Variants in MEGF8 observed in about 807,000 individuals in gnomAD.
MEGF8 encodes multiple EGF like domains 8.
Under a neutral mutation model 302.9 loss-of-function variants are expected in MEGF8, and 156 were observed. That is an observed-to-expected ratio of 0.52 (90% confidence interval 0.45 to 0.59). The LOEUF is 0.59. Ranked by LOEUF, MEGF8 falls within the 20% of genes least tolerant of loss-of-function variation. MEGF8 has a pLI of 0.00. For missense variants in MEGF8, 3,345 were observed against 3,964.5 expected (o/e 0.84, Z 4.20); for synonymous variants, 1,621 against 1,660.5 (o/e 0.98, Z 0.58).
chr19:42,368,359 A>G lies in MEGF8; in HGVS notation c.6274-96A>G. 1 of 1,093,008 alleles carries G rather than the reference A, an allele frequency of 9.1e-7. No homozygotes were observed. Among genetic ancestry groups the G allele is most frequent in the Non-Finnish European group, 1.3e-6 (1 of 772,302 alleles). The allele number at this position is 1,093,008 out of a possible 1,614,324, so 67.7% of individuals were successfully genotyped here. ...GCCAGGGAGGGGTGAGACCTCAAAGAGGGTGTGGTCTGGGAAGATACCCAG... is the reference window on the plus strand; with the variant it reads ...GCCAGGGAGGGGTGAGACCTCAAAGGGGGTGTGGTCTGGGAAGATACCCAG... On this transcript the variant is annotated intron_variant, in intron 35 of 41. Transcript: ENST00000251268. This position sits in a 1 kb window ranked among gnomAD's most constrained non-coding sequence, Gnocchi z 4.9.
intron 2 of MEGF8, 36 bp from the exon 3 acceptor site, chr19:42,333,971 C>T (rs752785552): frequency 6.3e-6 from 10 of 1,594,140 alleles, no homozygotes; most frequent in African/African-American, 4.0e-5. Context: ...ATCCCCAGGC[C>T]CTGCCCACCT....
chr19:42,360,647 G>C, intron 31 of MEGF8, 128 bp from the exon 32 acceptor site: 1 of 1,480,716 alleles, frequency 6.8e-7, no homozygotes, highest in Non-Finnish European at 8.9e-7. Context: ...CCTTGGCCTT[G>C]TTTCTGCTGT....
intron 12 of MEGF8, among the ~76,000 whole-genome samples, chr19:42,347,014 AAAAG>A (rs2039300237): frequency 1.3e-5 from 2 of 151,078 alleles, no homozygotes; most frequent in Admixed American, 6.6e-5. Flanking sequence ...AAGAAAAAGA[AAAAG>A]AAAAAAAAGT....
At chr19:42,361,099 T>G in intron 32 of MEGF8, 93 bp downstream of exon 32, 3 of 1,320,046 alleles carry the variant, frequency 2.3e-6, no homozygotes, top group Non-Finnish European at 3.0e-6. Flanking sequence ...CTCAGGAGTA[T>G]ACCGTCTGGT....
chr19:42,328,847 C>A (rs1453827682), intron 1 of MEGF8, among the ~76,000 whole-genome samples: 1 of 151,690 alleles, frequency 6.6e-6, no homozygotes, highest in African/African-American at 2.4e-5. Flanking sequence ...CGAGACTCTA[C>A]CTCAAAAAAA....
rs1026737444 is a variant in MEGF8 at position 42,335,287 on chromosome 19, C to T, written c.740-10C>T. 3 of 1,613,870 alleles carry T rather than the reference C, an allele frequency of 1.9e-6. No homozygotes were observed. The highest frequency in any genetic ancestry group is 1.6e-4 in the Middle Eastern group (1 of 6,084). On this transcript the variant is annotated splice_polypyrimidine_tract_variant and intron_variant, in intron 4 of 41. Transcript: ENST00000251268. ...ATGGCCAGGGCATGAGACTATCCAC[C>T]CCTCCACAGGCCAGGACCTCAACAA...
Position 42,344,003 on chromosome 19 carries a change from G to A in MEGF8, c.1718G>A (p.Arg573Gln), listed in dbSNP as rs760954782. Residue 573 changes from arginine to glutamine, a missense_variant, in exon 10 of 42, where the codon CGG becomes CAG. Coordinates refer to ENST00000251268, the MANE Select transcript of MEGF8 (RefSeq NM_001271938.2). The surrounding 1 kb of genome is among the most constrained non-coding windows in gnomAD (Gnocchi z 4.5). Reference sequence around the variant, plus strand: ...TACACAGACCACAGCGTCTGCTCCCGGGACCCGGAATGCAGTTGGTGCCAA... The same window carrying A: ...TACACAGACCACAGCGTCTGCTCCCAGGACCCGGAATGCAGTTGGTGCCAA... ...SMYTDHSVCS[R>Q]DPECSWCQGA... 8.1e-6 allele frequency: 13 copies of A among 1,613,718 alleles called. No homozygotes were observed. Among genetic ancestry groups the A allele is most frequent in the Non-Finnish European group, 1.1e-5 (13 of 1,179,762 alleles).
chr19:42,336,689 G>C lies in MEGF8; in HGVS notation c.1245-118G>C. On this transcript the variant is annotated intron_variant, in intron 6 of 41. Coordinates refer to ENST00000251268, the MANE Select transcript of MEGF8 (RefSeq NM_001271938.2). The surrounding 1 kb of genome is among the most constrained non-coding windows in gnomAD (Gnocchi z 4.8). The stretch of plus-strand genomic sequence containing the variant: ...CACAGGGAACTTCTAGTTTGGAGGG[G>C]ACATAGAGTCAGTCATGGCCAGTCT... 7.0e-7 allele frequency: 1 copy of C among 1,420,050 alleles called. No individual in the cohort carries two copies. Among genetic ancestry groups the C allele is most frequent in the Non-Finnish European group, 9.4e-7 (1 of 1,058,450 alleles). The allele number at this position is 1,420,050 out of a possible 1,614,324, so 88.0% of individuals were successfully genotyped here.
Position 42,354,699 on chromosome 19 carries a change from C to G in MEGF8, c.4123C>G (p.Leu1375Val). 1 of 1,608,180 alleles carries G rather than the reference C, an allele frequency of 6.2e-7. No homozygotes were observed. Residue 1375 changes from leucine (L) to valine (V), a missense_variant, in exon 23 of 42, where the codon CTC becomes GTC. Physicochemically the swap from Leu to Val is conservative, Grantham distance 32. Coordinates refer to ENST00000251268, the MANE Select transcript of MEGF8 (RefSeq NM_001271938.2). This position sits in a 1 kb window ranked among gnomAD's most constrained non-coding sequence, Gnocchi z 4.3. ...CTGCGGCCAGCGACGGGACAGGCCC[C>G]TCACTGTTCAGGCCCTGTCTGGTAC... ...AFCGQRRDRP[L>V]TVQALSGLLV...
In MEGF8 at chr19:42,358,200, G is replaced by C. The variant is rs1416418731; in HGVS notation, c.5068G>C (p.Gly1690Arg). 1.9e-6 allele frequency: 3 copies of C among 1,602,842 alleles called. No individual in the cohort carries two copies. The highest frequency in any genetic ancestry group is 2.6e-6 in the Non-Finnish European group (3 of 1,175,172). The part of the protein sequence containing the change: ...HEATDSLYVF[G>R]GFRFHVELAA... ...GGCCACCGACTCCCTCTACGTGTTTGGGGGGTTCCGATTCCATGTGGAGCT... is the reference window on the plus strand; with the variant it reads ...GGCCACCGACTCCCTCTACGTGTTTCGGGGGTTCCGATTCCATGTGGAGCT... The change falls in exon 29 of 42, where the codon GGG becomes CGG. Residue 1690 changes from glycine to arginine, a missense_variant. By Grantham distance (125) the Gly-to-Arg change is moderately radical. Transcript: ENST00000251268. This position sits in a 1 kb window ranked among gnomAD's most constrained non-coding sequence, Gnocchi z 4.4.
In MEGF8 at chr19:42,344,909, T is replaced by G. The variant is rs2147465405; in HGVS notation, c.2097+76T>G. On this transcript the variant is annotated intron_variant, in intron 12 of 41. Coordinates refer to ENST00000251268, the MANE Select transcript of MEGF8 (RefSeq NM_001271938.2). This position sits in a 1 kb window ranked among gnomAD's most constrained non-coding sequence, Gnocchi z 4.5. The stretch of plus-strand genomic sequence containing the variant: ...GGTTTGTTTTTTCTCAAATGCATCT[T>G]TATCACTCTTATGTTTACTCCAAAA... The G allele has an allele frequency of 1.4e-6, 2 of 1,397,416 alleles. No individual in the cohort carries two copies. The highest frequency in any genetic ancestry group is 1.5e-5 in the African/African-American group (1 of 68,622). 86.6% of individuals were successfully genotyped at this position (1,397,416 alleles called of 1,614,324 possible).
chr19:42,370,244 G>A lies in MEGF8; in HGVS notation c.6890G>A (p.Gly2297Glu), dbSNP rs768286057. 6.2e-7 allele frequency: 1 copy of A among 1,613,624 alleles called. No individual in the cohort carries two copies. Among genetic ancestry groups the A allele is most frequent in the South Asian group, 1.1e-5 (1 of 91,072 alleles). Residue 2297 changes from glycine to glutamate, a missense_variant, in exon 39 of 42, where the codon GGG becomes GAG. Physicochemically the swap from Gly to Glu is moderately conservative, Grantham distance 98 (BLOSUM62 -2). Coordinates refer to ENST00000251268, the MANE Select transcript of MEGF8 (RefSeq NM_001271938.2). The stretch of plus-strand genomic sequence containing the variant: ...TTTGTGGGTTCAGCTGTCGGAGGCG[G>A]GACCTGCCGGCCCTGCCACGCCTTT... The part of the protein sequence containing the change: ...PLFVGSAVGG[G>E]TCRPCHAFCR...
chr19:42,346,436 G>C (rs1449312192), intron 12 of MEGF8, among the ~76,000 whole-genome samples: 3 of 151,682 alleles, frequency 2.0e-5, no homozygotes, highest in Non-Finnish European at 4.4e-5. Context: ...CAGCACTTTG[G>C]GAGGCTAAGG....
rs1568555518 is a variant in MEGF8 at position 42,333,721 on chromosome 19, C to CTA, written c.305_306dup (p.Ser103Ter). 1 of 1,613,990 alleles carries CTA rather than the reference C, an allele frequency of 6.2e-7. No individual in the cohort carries two copies. Among genetic ancestry groups the CTA allele is most frequent in the Admixed American group, 1.7e-5 (1 of 60,018 alleles). The stretch of plus-strand genomic sequence containing the variant: ...CCCGCGAGGGCCGCTGCTTGCCAGT[C>CTA]TAAGTGGGAGCACCCGACCTCCGCC... On this transcript the variant is annotated frameshift_variant, in exon 2 of 42. Transcript: ENST00000251268. LOFTEE classifies it high-confidence loss of function.
chr19:42,372,075 A>C (rs201891381), intron 41 of MEGF8, among the ~76,000 whole-genome samples: 19 of 88,246 alleles, frequency 2.2e-4, no homozygotes, highest in African/African-American at 8.2e-4. Context: ...ACAACAACAA[A>C]CACACACACA....
Position 42,352,853 on chromosome 19 carries a change from G to A in MEGF8, c.3351-75G>A. ...CCAGTGGCTTTGATGGTGTCATGGT[G>A]GGTGGAGATGATGGGGTGCTTTAGG... On this transcript the variant is annotated intron_variant, in intron 19 of 41. Coordinates refer to ENST00000251268, the MANE Select transcript of MEGF8 (RefSeq NM_001271938.2). This position sits in a 1 kb window ranked among gnomAD's most constrained non-coding sequence, Gnocchi z 4.4. 1.8e-6 allele frequency: 2 copies of A among 1,094,904 alleles called. No individual in the cohort carries two copies. Among genetic ancestry groups the A allele is most frequent in the Non-Finnish European group, 2.7e-6 (2 of 744,282 alleles). The allele number at this position is 1,094,904 out of a possible 1,614,324, so 67.8% of individuals were successfully genotyped here.
In MEGF8 at chr19:42,353,209, G is replaced by T; in HGVS notation, c.3550+82G>T. 1 of 1,339,476 alleles carries T rather than the reference G, an allele frequency of 7.5e-7. No individual in the cohort carries two copies. Among genetic ancestry groups the T allele is most frequent in the South Asian group, 1.4e-5 (1 of 71,684 alleles). The allele number at this position is 1,339,476 out of a possible 1,614,324, so 83.0% of individuals were successfully genotyped here. ...GGGCTCCAGTTTGCTCTTCTTGGAG[G>T]GGGCCTCAGTGTCCTCTCATGCAGC... On this transcript the variant is annotated intron_variant, in intron 20 of 41. Coordinates refer to ENST00000251268, the MANE Select transcript of MEGF8 (RefSeq NM_001271938.2). This position sits in a 1 kb window ranked among gnomAD's most constrained non-coding sequence, Gnocchi z 6.1.
chr19:42,358,829 G>A lies in MEGF8; in HGVS notation c.5218G>A (p.Gly1740Ser), dbSNP rs369842921. ...TGTGCGTGGCTCATCTCGGGGTCTG[G>A]GCCAAGTTCCTGGGGAGCAGCCTGG... The part of the protein sequence containing the change: ...RNVRGSSRGL[G>S]QVPGEQPGSW... Residue 1740 changes from glycine (G) to serine (S), a missense_variant, in exon 30 of 42, where the codon GGC becomes AGC. Transcript: ENST00000251268. The surrounding 1 kb of genome is among the most constrained non-coding windows in gnomAD (Gnocchi z 4.4). 6.3e-7 allele frequency: 1 copy of A among 1,599,536 alleles called. No individual in the cohort carries two copies. The highest frequency in any genetic ancestry group is 1.3e-5 in the African/African-American group (1 of 74,414).
chr19:42,353,508 C>A lies in MEGF8; in HGVS notation c.3594C>A (p.Ser1198Arg). ...ACTGCGAACGATGCCGGCCCGGCAG[C>A]TTCGGCAACGCCACAGGCTCTAGGG... ...GEHCERCRPG[S>R]FGNATGSRGC... Residue 1198 changes from serine to arginine, a missense_variant, in exon 21 of 42, where the codon AGC (serine) becomes AGA (arginine). Physicochemically the swap from Ser to Arg is moderately radical, Grantham distance 110. Coordinates refer to ENST00000251268, the MANE Select transcript of MEGF8 (RefSeq NM_001271938.2). The surrounding 1 kb of genome is among the most constrained non-coding windows in gnomAD (Gnocchi z 6.1). 1.2e-6 allele frequency: 2 copies of A among 1,610,666 alleles called. No homozygotes were observed. The highest frequency in any genetic ancestry group is 1.7e-6 in the Non-Finnish European group (2 of 1,179,138).
Sources: gnomAD v4.1 joint callset for allele counts (sites outside exome capture counted in the v4.1 genomes callset) on GRCh38, gnomAD v4.1.1 for gene constraint, Gnocchi (gnomAD v3.1) non-coding constraint, MANE v1.5 for transcripts, NCBI Gene and HGNC (gene_info 2026-07-23, HGNC 2026-07-21) for gene names.